Variants in ABCC4 observed in about 807,000 individuals in gnomAD.
ABCC4 encodes ATP-binding cassette sub-family C member 4.
In ABCC4, 102 loss-of-function variants were observed where a neutral mutation model predicts 168.5. That is an observed-to-expected ratio of 0.61 (90% CI 0.52 to 0.71). The LOEUF (loss-of-function observed/expected upper bound fraction) is 0.71, where lower values mean the gene tolerates loss of function less well. Among genes scored for constraint, ABCC4 ranks in the 30% least tolerant of loss-of-function variants. The pLI is 0.00. For synonymous variants in ABCC4, 617 were observed against 590.7 expected, an observed-to-expected ratio of 1.04 and a Z score of -0.65; for missense variants, 1,402 against 1,605.8, an observed-to-expected ratio of 0.87 and a Z score of 2.17.
At chr13:95,132,422 G>A (rs904335272) in intron 19 of ABCC4, among the ~76,000 whole-genome samples, 2 of 152,040 alleles carry the variant, frequency 1.3e-5, no homozygotes, top group African/African-American at 4.8e-5. Context: ...CACCATGTTG[G>A]TCAGGCTGGT....
chr13:95,064,258 GTGTATATA>G (rs1401068194), intron 25 of ABCC4, among the ~76,000 whole-genome samples: 5 of 8,978 alleles, frequency 5.6e-4, no homozygotes, highest in African/African-American at 3.9e-3. Flanking sequence ...GTGTGTGTGT[GTGTATATA>G]TATATATATA....
intron 20 of ABCC4, among the ~76,000 whole-genome samples, chr13:95,104,133 T>C (rs563473785): frequency 2.6e-5 from 4 of 152,310 alleles, no homozygotes; most frequent in African/African-American, 7.2e-5. Flanking sequence ...TTGTTGTTGT[T>C]GTTGAGATGG....
chr13:95,144,597 C>T (rs1209723451), intron 19 of ABCC4, among the ~76,000 whole-genome samples: 1 of 152,098 alleles, frequency 6.6e-6, no homozygotes, highest in Non-Finnish European at 1.5e-5. Flanking sequence ...CATTTCTATA[C>T]ACCACTAACA....
chr13:95,023,213 A>T (rs1216258309), intron 30 of ABCC4, among the ~76,000 whole-genome samples: 2 of 152,120 alleles, frequency 1.3e-5, no homozygotes. Context: ...CTCTTGATGT[A>T]TTTTTTTAAA....
chr13:95,224,772 G>A (rs1195469284), intron 4 of ABCC4, among the ~76,000 whole-genome samples: 1 of 151,696 alleles, frequency 6.6e-6, no homozygotes, highest in Non-Finnish European at 1.5e-5. Flanking sequence ...GCTAATAGAT[G>A]TTTTACATGC....
intron 9 of ABCC4, among the ~76,000 whole-genome samples, chr13:95,191,321 T>C (rs9524822): frequency 0.14 from 21,097 of 152,200 alleles, 1,794 homozygotes; most frequent in Non-Finnish European, 0.18. Flanking sequence ...ACTGACCCCT[T>C]ATGTGTCCCA....
At chr13:95,040,688 A>G (rs2032319097) in intron 29 of ABCC4, among the ~76,000 whole-genome samples, 1 of 152,218 alleles carries the variant, frequency 6.6e-6, no homozygotes, top group South Asian at 2.1e-4. Context: ...TTCCATGAAG[A>G]TGAAACATAG....
In ABCC4 at chr13:95,083,245, T is replaced by TCACGGC. The variant is rs2034155918; in HGVS notation, c.2575_2580dup (p.Ala859_Val860dup). On this transcript the variant is annotated inframe_insertion, in exon 21 of 31. Coordinates refer to ENST00000645237, the MANE Select transcript of ABCC4 (RefSeq NM_005845.5). ...ACCAAGGGTATTGCGATCCAAGGAA[T>TCACGGC]CACGGCCACAGCCACAGAGACCACA... 6.2e-7 allele frequency: 1 copy of TCACGGC among 1,613,944 alleles called. No homozygotes were observed. Among genetic ancestry groups the TCACGGC allele is most frequent in the Non-Finnish European group, 8.5e-7 (1 of 1,179,964 alleles).
chr13:95,286,969 A>G (rs1214834940), intron 1 of ABCC4, among the ~76,000 whole-genome samples: 2 of 149,912 alleles, frequency 1.3e-5, no homozygotes, highest in Non-Finnish European at 3.0e-5. Context: ...AAAAAAAAAA[A>G]AAAGAAAAGA....
At chr13:95,276,661 G>A (rs979714103) in intron 1 of ABCC4, among the ~76,000 whole-genome samples, 1 of 152,146 alleles carries the variant, frequency 6.6e-6, no homozygotes, top group Admixed American at 6.6e-5. Flanking sequence ...TCATTCCCAT[G>A]GGAAGTAGCC....
At chr13:95,104,980 C>T (rs940597306) in intron 20 of ABCC4, among the ~76,000 whole-genome samples, 10 of 152,112 alleles carry the variant, frequency 6.6e-5, no homozygotes, top group African/African-American at 2.2e-4. Context: ...AAGCCCATTA[C>T]ATTTATTGTG....
At chr13:95,229,446 C>G (rs533319240) in intron 4 of ABCC4, among the ~76,000 whole-genome samples, 1 of 152,160 alleles carries the variant, frequency 6.6e-6, no homozygotes, top group Admixed American at 6.5e-5. Context: ...AGTCTGCAAA[C>G]AGCAGAGAGG....
At chr13:95,088,546 TA>T (rs2034330347) in intron 20 of ABCC4, among the ~76,000 whole-genome samples, 2 of 152,204 alleles carry the variant, frequency 1.3e-5, no homozygotes, top group South Asian at 4.1e-4. Flanking sequence ...TAAGTGGATT[TA>T]ACATGAAATC....
At chr13:95,244,617 G>GAAAGAAAGAAAGAAAGAAAGAA (rs2040042202) in intron 3 of ABCC4, among the ~76,000 whole-genome samples, 2 of 58,014 alleles carry the variant, frequency 3.4e-5, no homozygotes, top group African/African-American at 2.7e-4. Context: ...AAGAAAGAAA[G>GAAAGAAAGAAAGAAAGAAAGAA]AAAGAAAGAA....
At chr13:95,236,589 C>CGT (rs1491345350) in intron 3 of ABCC4, among the ~76,000 whole-genome samples, 40 of 26,148 alleles carry the variant, frequency 1.5e-3, no homozygotes, top group African/African-American at 2.2e-3. Context: ...GGCATGTGAA[C>CGT]GCGCGCGTGC....
intron 14 of ABCC4, among the ~76,000 whole-genome samples, chr13:95,167,631 A>G (rs1020735817): frequency 6.6e-6 from 1 of 152,198 alleles, no homozygotes; most frequent in Non-Finnish European, 1.5e-5. Flanking sequence ...CACAGGAGGT[A>G]AAAGTGACAC....
At chr13:95,029,802 A>C (rs2031777571) in intron 30 of ABCC4, among the ~76,000 whole-genome samples, 1 of 152,116 alleles carries the variant, frequency 6.6e-6, no homozygotes, top group African/African-American at 2.4e-5. Context: ...ACACTATCTC[A>C]TTTAATACAT....
intron 25 of ABCC4, among the ~76,000 whole-genome samples, chr13:95,065,795 A>G (rs1317631359): frequency 6.6e-6 from 1 of 152,222 alleles, no homozygotes; most frequent in Non-Finnish European, 1.5e-5. Flanking sequence ...GTATCCCTGC[A>G]AATTCACTAA....
At chr13:95,128,823 C>T (rs370312178) in intron 19 of ABCC4, among the ~76,000 whole-genome samples, 5 of 152,318 alleles carry the variant, frequency 3.3e-5, no homozygotes, top group African/African-American at 1.2e-4. Context: ...TTTAACACAA[C>T]TCCCCATGAA....
Sources: allele counts gnomAD v4.1 joint callset (sites outside exome capture counted in the v4.1 genomes callset), GRCh38; gene constraint gnomAD v4.1.1; transcripts MANE v1.5; gene names NCBI Gene and HGNC (gene_info 2026-07-23, HGNC 2026-07-21).